The following MAPKAPK2 variants were observed in gnomAD, a reference collection of about 807,000 sequenced individuals.
MAPKAPK2 encodes the protein MAP kinase-activated protein kinase 2.
MAPKAPK2 carries 9 observed loss-of-function variants against 48.8 expected under a neutral mutation model. The ratio of observed to expected loss-of-function variants is 0.18; its 90% CI spans 0.11 to 0.32. The LOEUF is 0.32. MAPKAPK2 is among the 10% of genes least tolerant of loss of function. The probability of loss-of-function intolerance (pLI) is 1.00; values close to 1 mark genes in which losing one functional copy is unlikely to be tolerated. For synonymous variants in MAPKAPK2, 202 were observed against 190.6 expected, an observed-to-expected ratio of 1.06 and a Z score of -0.49; for missense variants, 331 against 498.3, an observed-to-expected ratio of 0.66 and a Z score of 3.20.
Position 206,731,617 on chromosome 1 carries a change from C to T in MAPKAPK2, c.893-23C>T, listed in dbSNP as rs201339347. The T allele has an allele frequency of 2.4e-4, 383 of 1,593,760 alleles. 2 individuals are homozygous for T. Among genetic ancestry groups the T allele is most frequent in the Non-Finnish European group, 1.8e-5 (21 of 1,161,398 alleles). ...AGGGAGAGTGACCCCTGAGCTGTCA[C>T]TGCCCCCTGTCCCACCCCACAGTGA... is the stretch of plus-strand genomic sequence containing the variant. On this transcript the variant is annotated intron_variant, in intron 7 of 9. Transcript: ENST00000367103. This position sits in a 1 kb window ranked among gnomAD's most constrained non-coding sequence, Gnocchi z 5.9.
intron 1 of MAPKAPK2, among the ~76,000 whole-genome samples, chr1:206,701,558 G>C (rs1672794541): frequency 6.6e-6 from 1 of 152,114 alleles, no homozygotes; most frequent in Non-Finnish European, 1.5e-5. Context: ...GTAGGGCCAG[G>C]TGCAGTGGCT....
chr1:206,729,910 C>A lies in MAPKAPK2; in HGVS notation c.565-62C>A, dbSNP rs143899247. On this transcript the variant is annotated intron_variant, in intron 4 of 9. Coordinates refer to ENST00000367103, the MANE Select transcript of MAPKAPK2 (RefSeq NM_032960.4). Reference sequence around the variant, plus strand: ...GGAAGGGAGGAACCAGGATCCTTTTCGTTTCTGATAGCCCCTCCCAGGTCC... The same window carrying A: ...GGAAGGGAGGAACCAGGATCCTTTTAGTTTCTGATAGCCCCTCCCAGGTCC... 10 of 1,604,348 alleles carry A rather than the reference C, an allele frequency of 6.2e-6. No individual in the cohort carries two copies. In the African/African-American group the frequency reaches 8.0e-5, roughly 13 times the overall value.
At chr1:206,729,936 A>T (rs374300844) in intron 4 of MAPKAPK2, 36 bp from the exon 5 acceptor site, 44 of 1,613,814 alleles carry the variant, frequency 2.7e-5, no homozygotes, top group Non-Finnish European at 3.6e-5. Context: ...TCCCAGGTCC[A>T]GCAGGGTTGC....
In MAPKAPK2 at chr1:206,731,380, G is replaced by T; in HGVS notation, c.892+118G>T. ...TCTCATGTGCGTGGTGTAACTGTGG[G>T]TTAGCACCTATGCCCACGCCTGCGG... On this transcript the variant is annotated intron_variant, in intron 7 of 9. Transcript: ENST00000367103. The surrounding 1 kb of genome is among the most constrained non-coding windows in gnomAD (Gnocchi z 5.9). 1.3e-6 allele frequency: 2 copies of T among 1,534,482 alleles called. No homozygotes were observed. Among genetic ancestry groups the T allele is most frequent in the Non-Finnish European group, 1.8e-6 (2 of 1,136,388 alleles).
chr1:206,729,183 G>A, intron 3 of MAPKAPK2, 84 bp downstream of exon 3: 8 of 1,442,920 alleles, frequency 5.5e-6, no homozygotes, highest in Non-Finnish European at 7.8e-6. Flanking sequence ...CCTGCTCTTG[G>A]GGAAGGGTGC....
intron 1 of MAPKAPK2, among the ~76,000 whole-genome samples, chr1:206,708,059 A>C (rs1319767200): frequency 6.6e-6 from 1 of 152,238 alleles, no homozygotes; most frequent in Non-Finnish European, 1.5e-5. Context: ...ACAGCCAGAG[A>C]GGGGCAGGGA....
intron 1 of MAPKAPK2, among the ~76,000 whole-genome samples, chr1:206,715,828 G>A (rs782735565): frequency 6.6e-6 from 1 of 151,126 alleles, no homozygotes; most frequent in Non-Finnish European, 1.5e-5. Flanking sequence ...GGGTCTCCCT[G>A]TGTTGCCCAG....
rs1214651607 is a variant in MAPKAPK2 at position 206,696,119 on chromosome 1, C to A, written c.279+10611C>A. The A allele has an allele frequency of 6.7e-6, 10 of 1,495,046 alleles. No homozygotes were observed. The African/African-American group carries it at 1.2e-4, about 19-fold the overall frequency. The allele number at this position is 1,495,046 out of a possible 1,614,324, so 92.6% of individuals were successfully genotyped here. ...CTACCAGTCACACGGCAGATGATTTCTTTGCCAGAAAGATCAGTGACATGG... is the reference window on the plus strand; with the variant it reads ...CTACCAGTCACACGGCAGATGATTTATTTGCCAGAAAGATCAGTGACATGG... On this transcript the variant is annotated intron_variant, in intron 1 of 9. Transcript: ENST00000367103.
In MAPKAPK2 at chr1:206,731,467, T is replaced by C; in HGVS notation, c.893-173T>C. ...GGAGGCAGGGCCAAGGCTGTGGGGC[T>C]GTGCAGGGCCTCTCAAGTGGTACAG... is the stretch of plus-strand genomic sequence containing the variant. On this transcript the variant is annotated intron_variant, in intron 7 of 9. Coordinates refer to ENST00000367103, the MANE Select transcript of MAPKAPK2 (RefSeq NM_032960.4). The surrounding 1 kb of genome is among the most constrained non-coding windows in gnomAD (Gnocchi z 5.9). 8.8e-7 allele frequency: 1 copy of C among 1,135,212 alleles called. No homozygotes were observed. The highest frequency in any genetic ancestry group is 1.3e-6 in the Non-Finnish European group (1 of 786,680). 70.3% of individuals were successfully genotyped at this position (1,135,212 alleles called of 1,614,324 possible).
intron 1 of MAPKAPK2, among the ~76,000 whole-genome samples, chr1:206,726,082 C>T (rs1487596615): frequency 2.0e-5 from 3 of 152,176 alleles, no homozygotes; most frequent in South Asian, 2.1e-4. Flanking sequence ...TTTCCTGGTA[C>T]ATCCAAATGA....
intron 1 of MAPKAPK2, among the ~76,000 whole-genome samples, chr1:206,702,073 T>C (rs1001865384): frequency 2.8e-4 from 42 of 152,202 alleles, no homozygotes; most frequent in African/African-American, 9.6e-4. Flanking sequence ...ATTATCTGGG[T>C]TTGGCAACCA....
chr1:206,695,718 T>A (rs545707734), intron 1 of MAPKAPK2: 2 of 267,130 alleles, frequency 7.5e-6, no homozygotes, highest in Non-Finnish European at 1.5e-5. Flanking sequence ...TCTTACCTTT[T>A]ATTTCTCTGT....
chr1:206,723,768 C>T (rs149107187), intron 1 of MAPKAPK2, among the ~76,000 whole-genome samples: 48 of 152,334 alleles, frequency 3.2e-4, no homozygotes, highest in Non-Finnish European at 4.9e-4. Flanking sequence ...TCCTTCTTCC[C>T]CTCAGGTGCT....
At chr1:206,700,016 T>G (rs1443549181) in intron 1 of MAPKAPK2, among the ~76,000 whole-genome samples, 1 of 151,062 alleles carries the variant, frequency 6.6e-6, no homozygotes, top group Non-Finnish European at 1.5e-5. Flanking sequence ...TTTTTTTTTT[T>G]TTTTTTAAAT....
chr1:206,692,963 A>C (rs1672503534), intron 1 of MAPKAPK2, among the ~76,000 whole-genome samples: 1 of 152,166 alleles, frequency 6.6e-6, no homozygotes, highest in South Asian at 2.1e-4. Flanking sequence ...CTCCATGAAG[A>C]TTCTTTTGAA....
intron 1 of MAPKAPK2, among the ~76,000 whole-genome samples, chr1:206,722,489 T>C (rs184364975): frequency 3.9e-5 from 6 of 152,362 alleles, no homozygotes. Flanking sequence ...TTAACACATA[T>C]TTTGTCTGTT....
At chr1:206,722,328 C>G (rs1429952343) in intron 1 of MAPKAPK2, among the ~76,000 whole-genome samples, 2 of 152,058 alleles carry the variant, frequency 1.3e-5, no homozygotes, top group Non-Finnish European at 2.9e-5. Flanking sequence ...CCACTGCACT[C>G]CAGCCTGGGC....
In MAPKAPK2 at chr1:206,731,342, G is replaced by T; in HGVS notation, c.892+80G>T. ...TGTATGTGTGTACACGCAGACACAT[G>T]TATGGGCCTCCATCTCATGTGCGTG... On this transcript the variant is annotated intron_variant, in intron 7 of 9. Coordinates refer to ENST00000367103, the MANE Select transcript of MAPKAPK2 (RefSeq NM_032960.4). This position sits in a 1 kb window ranked among gnomAD's most constrained non-coding sequence, Gnocchi z 5.9. 6.3e-7 allele frequency: 1 copy of T among 1,586,962 alleles called. No homozygotes were observed. The highest frequency in any genetic ancestry group is 2.3e-5 in the East Asian group (1 of 43,782).
In MAPKAPK2 at chr1:206,731,285, C is replaced by T; in HGVS notation, c.892+23C>T. The T allele has an allele frequency of 6.2e-7, 1 of 1,613,110 alleles. No homozygotes were observed. The highest frequency in any genetic ancestry group is 8.5e-7 in the Non-Finnish European group (1 of 1,179,850). On this transcript the variant is annotated intron_variant, in intron 7 of 9. Coordinates refer to ENST00000367103, the MANE Select transcript of MAPKAPK2 (RefSeq NM_032960.4). The surrounding 1 kb of genome is among the most constrained non-coding windows in gnomAD (Gnocchi z 5.9). ...AAGGTAAGAACCCAGGCTTTCAGGA[C>T]AAGGGGAAGAGCCCGTGTGTGTGTG...
Sources: gnomAD v4.1 joint callset for allele counts (sites outside exome capture counted in the v4.1 genomes callset) on GRCh38, gnomAD v4.1.1 for gene constraint, Gnocchi (gnomAD v3.1) non-coding constraint, MANE v1.5 for transcripts, NCBI Gene and HGNC (gene_info 2026-07-23, HGNC 2026-07-21) for gene names.